The following ZMYND12 variants were observed in gnomAD, a reference collection of about 807,000 sequenced individuals.
The protein encoded by ZMYND12 is zinc finger MYND domain-containing protein 12.
In ZMYND12, 32 loss-of-function variants were observed where a neutral mutation model predicts 41.7. That is an observed-to-expected ratio of 0.77 (90% CI 0.58 to 1.03). ZMYND12 has a LOEUF of 1.03. Among genes scored for constraint, ZMYND12 ranks in the 50% least tolerant of loss-of-function variants. The probability of loss-of-function intolerance (pLI) is 0.00; values close to 1 mark genes in which losing one functional copy is unlikely to be tolerated. For synonymous variants in ZMYND12, 148 were observed against 164.8 expected (o/e 0.90, Z 0.78); for missense variants, 424 against 438.5 (o/e 0.97, Z 0.30).
intron 6 of ZMYND12, among the ~76,000 whole-genome samples, chr1:42,434,238 G>A (rs1392950653): frequency 6.6e-6 from 1 of 152,148 alleles, no homozygotes; most frequent in Non-Finnish European, 1.5e-5. Context: ...TTGTCTCTGA[G>A]GGCATGATGC....
At position 42,450,002 on chromosome 1, in the gene ZMYND12, G is replaced by C; in HGVS notation, c.168C>G (p.Leu56=). Residue 56 remains leucine, a synonymous_variant, in exon 2 of 8, where the codon CTC becomes CTG. Coordinates refer to ENST00000372565, the MANE Select transcript of ZMYND12 (RefSeq NM_032257.5). ...GCATGGAAGTGCGCAGTGGAATCAA[G>C]AGCTGACATATTTTCTCATGGATGC... The part of the protein sequence containing the change: ...WDSIHEKICQ[L]LIPLRTSMPF... 1 of 1,613,958 alleles carries C rather than the reference G, an allele frequency of 6.2e-7. No individual in the cohort carries two copies. The highest frequency in any genetic ancestry group is 8.5e-7 in the Non-Finnish European group (1 of 1,180,030).
chr1:42,447,080 A>G (rs1175527706), intron 3 of ZMYND12, among the ~76,000 whole-genome samples: 2 of 152,258 alleles, frequency 1.3e-5, no homozygotes, highest in Non-Finnish European at 2.9e-5. Flanking sequence ...GGATATTTAT[A>G]TAGTTTCAAA....
intron 3 of ZMYND12, among the ~76,000 whole-genome samples, chr1:42,447,812 G>A (rs1217933787): frequency 6.6e-6 from 1 of 151,982 alleles, no homozygotes; most frequent in Non-Finnish European, 1.5e-5. Flanking sequence ...CACCATGTAG[G>A]GTATCTGCTA....
At chr1:42,454,548 T>A (rs1643124843) in intron 1 of ZMYND12, among the ~76,000 whole-genome samples, 1 of 152,150 alleles carries the variant, frequency 6.6e-6, no homozygotes, top group Non-Finnish European at 1.5e-5. Flanking sequence ...CTGCAGCCCA[T>A]CCTCTTTCCT....
Position 42,448,498 on chromosome 1 carries a change from A to G in ZMYND12, c.393T>C (p.Pro131=), listed in dbSNP as rs1643047259. The change falls in exon 3 of 8, where the codon CCT becomes CCC. Residue 131 remains proline, a synonymous_variant. Transcript: ENST00000372565. ...LYGLSSVELV[P]AYLLLAEASL... ...TGGCCTCGGCCAACAGCAGGTAAGC[A>G]GGCACAAGCTCTACGGAGCTCAGGC... 6.2e-7 allele frequency: 1 copy of G among 1,604,538 alleles called. No individual in the cohort carries two copies. Among genetic ancestry groups the G allele is most frequent in the Non-Finnish European group, 8.5e-7 (1 of 1,175,056 alleles).
chr1:42,448,451 A>G lies in ZMYND12; in HGVS notation c.424+16T>C. The stretch of plus-strand genomic sequence containing the variant: ...CCACTTAAGGGATCCAAGGATCTCA[A>G]GTCGGTTTCACTCACCAAGGCTGGC... On this transcript the variant is annotated intron_variant, in intron 3 of 7. Coordinates refer to ENST00000372565, the MANE Select transcript of ZMYND12 (RefSeq NM_032257.5). 1.3e-6 allele frequency: 2 copies of G among 1,568,828 alleles called. No individual in the cohort carries two copies. The highest frequency in any genetic ancestry group is 1.7e-6 in the Non-Finnish European group (2 of 1,156,142).
chr1:42,433,104 C>A (rs374029052), intron 7 of ZMYND12, 39 bp downstream of exon 7: 34 of 1,601,072 alleles, frequency 2.1e-5, no homozygotes, highest in Non-Finnish European at 2.6e-5. Flanking sequence ...TGAATTTCTA[C>A]CTTCATTTTA....
intron 3 of ZMYND12, among the ~76,000 whole-genome samples, chr1:42,441,286 G>A (rs550980541): frequency 6.6e-6 from 1 of 152,252 alleles, no homozygotes; most frequent in Admixed American, 6.5e-5. Context: ...ATCCCAGGCA[G>A]AAGTAACAGC....
Position 42,439,869 on chromosome 1 carries a change from T to C in ZMYND12, c.581A>G (p.His194Arg). 1 of 1,611,444 alleles carries C rather than the reference T, an allele frequency of 6.2e-7. No individual in the cohort carries two copies. The highest frequency in any genetic ancestry group is 8.5e-7 in the Non-Finnish European group (1 of 1,179,222). Reference sequence around the variant, plus strand: ...TAGCTTGTTTACATCATTGGCCAGATGATAACGGGCCTCTTCATAGTTTTT... The same window carrying C: ...TAGCTTGTTTACATCATTGGCCAGACGATAACGGGCCTCTTCATAGTTTTT... ...AKKNYEEARY[H>R]LANDIYFASC... is the part of the protein sequence containing the mutation. The change falls in exon 4 of 8, where the codon CAT (histidine) becomes CGT (arginine). Residue 194 changes from histidine to arginine, a missense_variant. His to Arg is a conservative substitution (Grantham distance 29). Transcript: ENST00000372565.
intron 3 of ZMYND12, 137 bp from the exon 4 acceptor site, chr1:42,440,162 G>T: frequency 2.4e-6 from 2 of 823,394 alleles, no homozygotes; most frequent in Non-Finnish European, 3.4e-6. Flanking sequence ...ATACAGGAAT[G>T]TTCACAGCAG....
intron 4 of ZMYND12, among the ~76,000 whole-genome samples, 157 bp from the exon 5 acceptor site, chr1:42,436,700 CA>C (rs1160692508): frequency 6.6e-6 from 1 of 151,620 alleles, no homozygotes; most frequent in Non-Finnish European, 1.5e-5. Context: ...AAAAGATATT[CA>C]GATGAATAAT....
At chr1:42,441,443 T>G (rs1394613761) in intron 3 of ZMYND12, among the ~76,000 whole-genome samples, 1 of 152,234 alleles carries the variant, frequency 6.6e-6, no homozygotes, top group Non-Finnish European at 1.5e-5. Context: ...GTGTAGTATT[T>G]GCATATAACC....
Position 42,430,674 on chromosome 1 carries a change from CT to C in ZMYND12, c.*61del. 6.3e-7 allele frequency: 1 copy of C among 1,593,214 alleles called. No homozygotes were observed. Among genetic ancestry groups the C allele is most frequent in the Non-Finnish European group, 8.6e-7 (1 of 1,163,698 alleles). Reference sequence around the variant, plus strand: ...AGTACCTCAAAGCAGTTGTGCAAGGCTGGAATATATTAGATCTTCAGTAGCC... The same window carrying C: ...AGTACCTCAAAGCAGTTGTGCAAGGCGGAATATATTAGATCTTCAGTAGCC... On this transcript the variant is annotated 3_prime_UTR_variant, in exon 8 of 8. Transcript: ENST00000372565.
chr1:42,435,753 C>T (rs775437999), intron 5 of ZMYND12, among the ~76,000 whole-genome samples: 1 of 152,226 alleles, frequency 6.6e-6, no homozygotes, highest in Non-Finnish European at 1.5e-5. Flanking sequence ...GAGAAGATCA[C>T]ACACGACTTC....
intron 4 of ZMYND12, among the ~76,000 whole-genome samples, chr1:42,437,304 A>G (rs1254948288): frequency 1.3e-5 from 2 of 152,162 alleles, no homozygotes; most frequent in Non-Finnish European, 2.9e-5. Flanking sequence ...GCATGGATAC[A>G]AGGGATCTCT....
intron 1 of ZMYND12, among the ~76,000 whole-genome samples, chr1:42,452,968 C>T (rs1420228935): frequency 6.6e-6 from 1 of 150,998 alleles, no homozygotes; most frequent in East Asian, 1.9e-4. Flanking sequence ...CAATTATAAT[C>T]AGGAAAAAAA....
chr1:42,444,521 C>T (rs541580811), intron 3 of ZMYND12, among the ~76,000 whole-genome samples: 6 of 152,310 alleles, frequency 3.9e-5, no homozygotes, highest in South Asian at 4.1e-4. Context: ...TCATTACACT[C>T]GAACTCATTT....
intron 3 of ZMYND12, among the ~76,000 whole-genome samples, chr1:42,442,741 T>C (rs2148407517): frequency 1.3e-5 from 2 of 152,292 alleles, no homozygotes; most frequent in Middle Eastern, 3.4e-3. Flanking sequence ...GTAAGCATGC[T>C]TTTATTCTAG....
chr1:42,448,600 T>C lies in ZMYND12; in HGVS notation c.291A>G (p.Lys97=), dbSNP rs760718144. 3 of 1,613,480 alleles carry C rather than the reference T, an allele frequency of 1.9e-6. No individual in the cohort carries two copies. Among genetic ancestry groups the C allele is most frequent in the African/African-American group, 2.7e-5 (2 of 74,922 alleles). The change falls in exon 3 of 8, where the codon AAA becomes AAG. Residue 97 remains lysine, a synonymous_variant. Coordinates refer to ENST00000372565, the MANE Select transcript of ZMYND12 (RefSeq NM_032257.5). ...CTTCGTGTTTCCCTTCAAAGAGGTA[T>C]TTCTGGGCTATGGTGTAGCAGAATT... The part of the protein sequence containing the change: ...LIEFCYTIAQ[K]YLFEGKHEDA...
Sources: gnomAD v4.1 joint callset for allele counts (sites outside exome capture counted in the v4.1 genomes callset) on GRCh38, gnomAD v4.1.1 for gene constraint, MANE v1.5 for transcripts, NCBI Gene and HGNC (gene_info 2026-07-23, HGNC 2026-07-21) for gene names.